PDE7B: variants seen among roughly 807,000 people sequenced by gnomAD.
PDE7B encodes the protein 3',5'-cyclic-AMP phosphodiesterase 7B.
A neutral mutation model predicts 56.2 loss-of-function variants in PDE7B; 29 were observed. The ratio of observed to expected loss-of-function variants is 0.52; its 90% CI spans 0.38 to 0.70. The LOEUF (loss-of-function observed/expected upper bound fraction) is 0.70, where lower values mean the gene tolerates loss of function less well. PDE7B is among the 30% of genes least tolerant of loss of function. The pLI, the probability that PDE7B is intolerant of heterozygous loss-of-function variation, is 0.00. For missense variants in PDE7B, 490 were observed against 565.0 expected (o/e 0.87, Z 1.35); for synonymous variants, 197 against 196.9 (o/e 1.00, Z 0.00).
At chr6:136,029,650 T>C (rs190656566) in intron 2 of PDE7B, among the ~76,000 whole-genome samples, 96 of 152,280 alleles carry the variant, frequency 6.3e-4, no homozygotes, top group African/African-American at 1.6e-3. Flanking sequence ...TAGAAAGATA[T>C]GCAATCATTT....
At chr6:136,004,304 G>A (rs1196601838) in intron 2 of PDE7B, among the ~76,000 whole-genome samples, 4 of 152,176 alleles carry the variant, frequency 2.6e-5, no homozygotes, top group Non-Finnish European at 5.9e-5. Context: ...AGACAGGGAT[G>A]CCCTCTCTTA....
rs529360561 is a variant in PDE7B at position 136,036,542 on chromosome 6, A to T, written c.83-72189A>T. On this transcript the variant is annotated intron_variant, in intron 2 of 12. Coordinates refer to ENST00000308191, the MANE Select transcript of PDE7B (RefSeq NM_018945.4). ...TTAACCATGGATTTAGAGAAATAAT[A>T]AAACAACAATAAAATTACAGTTGTC... Among the ~76,000 whole-genome samples the T allele has an allele frequency of 2.6e-5, 4 of 151,820 alleles. No homozygotes were observed. The East Asian group carries it at 7.7e-4, about 29-fold the overall frequency.
intron 2 of PDE7B, among the ~76,000 whole-genome samples, chr6:135,983,534 C>G (rs1775329592): frequency 6.6e-6 from 1 of 151,872 alleles, no homozygotes; most frequent in African/African-American, 2.4e-5. Context: ...AAGAAGTGTC[C>G]CAATTATTAC....
intron 2 of PDE7B, among the ~76,000 whole-genome samples, chr6:136,084,253 C>T (rs937158756): frequency 6.6e-6 from 1 of 152,180 alleles, no homozygotes; most frequent in African/African-American, 2.4e-5. Flanking sequence ...TCCATGCAAC[C>T]GAGTAGCTTT....
At chr6:136,149,629 A>G (rs1778478967) in intron 5 of PDE7B, among the ~76,000 whole-genome samples, 1 of 152,244 alleles carries the variant, frequency 6.6e-6, no homozygotes, top group Non-Finnish European at 1.5e-5. Context: ...GAAAGAATAT[A>G]AAAGCTTAGG....
chr6:135,905,625 G>C (rs574121166), intron 1 of PDE7B, among the ~76,000 whole-genome samples: 2 of 152,222 alleles, frequency 1.3e-5, no homozygotes, highest in South Asian at 4.2e-4. Context: ...AGCTGAGCTT[G>C]AACATGGCCG....
chr6:135,979,826 G>A (rs1343717439), intron 2 of PDE7B, among the ~76,000 whole-genome samples: 8 of 152,152 alleles, frequency 5.3e-5, no homozygotes, highest in Non-Finnish European at 1.2e-4. Context: ...CTATACTCAT[G>A]GGTAGGAAGA....
At chr6:136,173,958 C>A in intron 9 of PDE7B, 70 bp downstream of exon 9, 1 of 1,116,662 alleles carries the variant, frequency 9.0e-7, no homozygotes, top group Non-Finnish European at 1.4e-6. Flanking sequence ...CTAGGGCAGG[C>A]TTGGGACCTT....
intron 3 of PDE7B, among the ~76,000 whole-genome samples, chr6:136,117,752 G>T (rs554370040): frequency 9.9e-5 from 15 of 152,264 alleles, no homozygotes; most frequent in African/African-American, 3.6e-4. Context: ...AAGGTCCCCA[G>T]GCTATAGGTC....
chr6:135,960,163 C>T (rs1774873934), intron 2 of PDE7B, among the ~76,000 whole-genome samples: 1 of 152,164 alleles, frequency 6.6e-6, no homozygotes, highest in African/African-American at 2.4e-5. Context: ...GACTGGTCTA[C>T]TTCCTAGGAT....
chr6:136,174,617 A>C (rs768576789), intron 9 of PDE7B, among the ~76,000 whole-genome samples: 1 of 152,278 alleles, frequency 6.6e-6, no homozygotes, highest in Middle Eastern at 3.4e-3. Flanking sequence ...CTAGGTGAAA[A>C]GAGTACATAG....
intron 8 of PDE7B, among the ~76,000 whole-genome samples, chr6:136,158,575 A>G (rs1013022559): frequency 6.6e-6 from 1 of 152,182 alleles, no homozygotes; most frequent in East Asian, 1.9e-4. Flanking sequence ...GGATCATTGC[A>G]TAACATCCAG....
intron 2 of PDE7B, among the ~76,000 whole-genome samples, chr6:136,104,075 CGTCAG>C (rs1172987955): frequency 6.6e-6 from 1 of 152,190 alleles, no homozygotes; most frequent in Non-Finnish European, 1.5e-5. Flanking sequence ...GAGGGGCTGT[CGTCAG>C]GTCAGGTCGT....
At chr6:136,035,606 C>CAAAT (rs1373251918) in intron 2 of PDE7B, among the ~76,000 whole-genome samples, 1 of 152,120 alleles carries the variant, frequency 6.6e-6, no homozygotes, top group African/African-American at 2.4e-5. Flanking sequence ...TTAAATTGTG[C>CAAAT]AAATATTTCC....
At chr6:136,103,503 T>C (rs1400387031) in intron 2 of PDE7B, among the ~76,000 whole-genome samples, 1 of 152,186 alleles carries the variant, frequency 6.6e-6, no homozygotes, top group Non-Finnish European at 1.5e-5. Flanking sequence ...TGGTGAAAGT[T>C]GTCTGAGATT....
chr6:135,948,222 G>A (rs534616082), intron 2 of PDE7B, among the ~76,000 whole-genome samples: 4 of 151,886 alleles, frequency 2.6e-5, no homozygotes, highest in Non-Finnish European at 5.9e-5. Flanking sequence ...AAAATTTTAG[G>A]TCTAGTGTTT....
intron 2 of PDE7B, among the ~76,000 whole-genome samples, chr6:136,003,636 C>A (rs1230143702): frequency 2.0e-5 from 3 of 152,188 alleles, no homozygotes; most frequent in African/African-American, 7.2e-5. Flanking sequence ...CATACACCCT[C>A]CCAAGACTAA....
intron 2 of PDE7B, among the ~76,000 whole-genome samples, chr6:136,089,013 C>T (rs904904617): frequency 4.6e-5 from 7 of 151,634 alleles, no homozygotes; most frequent in African/African-American, 4.9e-5. Flanking sequence ...AAAAGAAACA[C>T]GGGGAACTAT....
chr6:136,105,907 T>C (rs1191041972), intron 2 of PDE7B, among the ~76,000 whole-genome samples: 1 of 152,234 alleles, frequency 6.6e-6, no homozygotes, highest in Non-Finnish European at 1.5e-5. Flanking sequence ...GTCACAGGCA[T>C]TAAAAACTTC....
Sources: allele counts gnomAD v4.1 joint callset (sites outside exome capture counted in the v4.1 genomes callset), GRCh38; gene constraint gnomAD v4.1.1; transcripts MANE v1.5; gene names NCBI Gene and HGNC (gene_info 2026-07-23, HGNC 2026-07-21).